Variants in RFX3 observed in about 807,000 individuals in gnomAD.
RFX3 encodes the protein transcription factor RFX3.
RFX3 carries 14 observed loss-of-function variants against 98.6 expected under a neutral mutation model. The ratio of observed to expected loss-of-function variants is 0.14; its 90% confidence interval spans 0.09 to 0.22. RFX3 has a LOEUF of 0.22. Among genes scored for constraint, RFX3 ranks in the 10% least tolerant of loss-of-function variants. The pLI is 1.00. For synonymous variants in RFX3, 383 were observed against 328.4 expected (o/e 1.17, Z -1.80); for missense variants, 639 against 926.9 (o/e 0.69, Z 4.03).
At position 3,354,450 on chromosome 9, in the gene RFX3, G is replaced by A. The variant is rs548840766; in HGVS notation, c.118-7686C>T. Reference sequence around the variant, plus strand: ...CATTATAATTAATATGCTAGACCCAGTAATAAAGAGAAAAAAATTAAGCAG... The same window carrying A: ...CATTATAATTAATATGCTAGACCCAATAATAAAGAGAAAAAAATTAAGCAG... On this transcript the variant is annotated intron_variant, in intron 2 of 16. Transcript: ENST00000617270. Among the ~76,000 whole-genome samples, 10 of 151,750 alleles carry A rather than the reference G, an allele frequency of 6.6e-5. No individual in the cohort carries two copies. In the East Asian group the frequency reaches 1.9e-3, roughly 29 times the overall value.
chr9:3,273,293 C>G (rs145043209), intron 9 of RFX3, among the ~76,000 whole-genome samples: 131 of 152,134 alleles, frequency 8.6e-4, no homozygotes, highest in African/African-American at 2.9e-3. Flanking sequence ...CAGCTCAGCC[C>G]TATGAGAGAG....
chr9:3,392,112 C>G (rs1306196174), intron 2 of RFX3, among the ~76,000 whole-genome samples: 1 of 152,114 alleles, frequency 6.6e-6, no homozygotes, highest in Admixed American at 6.5e-5. Context: ...AATTAAAAAG[C>G]CTTGTCAGTC....
At chr9:3,361,365 A>G (rs1836410382) in intron 2 of RFX3, among the ~76,000 whole-genome samples, 1 of 152,170 alleles carries the variant, frequency 6.6e-6, no homozygotes, top group South Asian at 2.1e-4. Flanking sequence ...AAAGAGAAGT[A>G]AAAAAGTCAA....
intron 5 of RFX3, among the ~76,000 whole-genome samples, chr9:3,301,126 T>A (rs781019284): frequency 6.6e-6 from 1 of 151,894 alleles, no homozygotes; most frequent in Admixed American, 6.6e-5. Context: ...GGATTTCACA[T>A]TAATCATCCT....
chr9:3,505,247 T>C (rs1373483599), intron 1 of RFX3, among the ~76,000 whole-genome samples: 1 of 75,454 alleles, frequency 1.3e-5, no homozygotes, highest in Non-Finnish European at 1.9e-5. Flanking sequence ...TATTTATATA[T>C]ATATGAATAT....
chr9:3,423,801 A>ATATATATCT (rs1362221507), intron 1 of RFX3, among the ~76,000 whole-genome samples: 1 of 130,204 alleles, frequency 7.7e-6, no homozygotes, highest in African/African-American at 3.8e-5. Flanking sequence ...ATATATATAT[A>ATATATATCT]TATATATATA....
At chr9:3,387,325 G>C (rs1839827520) in intron 2 of RFX3, among the ~76,000 whole-genome samples, 1 of 152,010 alleles carries the variant, frequency 6.6e-6, no homozygotes. Context: ...ATTCCTCTTA[G>C]AACATGGTAT....
At chr9:3,417,132 C>A (rs946761201) in intron 1 of RFX3, among the ~76,000 whole-genome samples, 1 of 151,862 alleles carries the variant, frequency 6.6e-6, no homozygotes, top group African/African-American at 2.4e-5. Flanking sequence ...AAGGAGCCTG[C>A]CTATTCATCA....
chr9:3,222,025 T>C lies in RFX3; in HGVS notation c.*3017A>G, dbSNP rs887679709. The C allele has an allele frequency of 5.9e-5, 9 of 152,156 alleles. No individual in the cohort carries two copies. The highest frequency in any genetic ancestry group is 1.9e-4 in the African/African-American group (8 of 41,456). The allele number at this position is 152,156 out of a possible 1,614,324, so 9.4% of individuals were successfully genotyped here. ...AATATTATTTAGAAAACCCACACTT[T>C]CAATGAGTGAAAAAAGGGAAAAAGG... On this transcript the variant is annotated 3_prime_UTR_variant, in exon 17 of 17. Coordinates refer to ENST00000617270, the MANE Select transcript of RFX3 (RefSeq NM_001282116.2).
At chr9:3,254,325 T>A (rs988152728) in intron 14 of RFX3, among the ~76,000 whole-genome samples, 1 of 150,488 alleles carries the variant, frequency 6.6e-6, no homozygotes, top group East Asian at 1.9e-4. Flanking sequence ...CTGACACTAA[T>A]AACATAAGAA....
intron 1 of RFX3, among the ~76,000 whole-genome samples, chr9:3,455,853 C>A (rs1166602410): frequency 6.6e-6 from 1 of 152,202 alleles, no homozygotes; most frequent in Non-Finnish European, 1.5e-5. Context: ...GACTGCACTT[C>A]CCCATTCCAA....
At chr9:3,332,814 T>TTCAC (rs2130918973) in intron 3 of RFX3, among the ~76,000 whole-genome samples, 1 of 152,310 alleles carries the variant, frequency 6.6e-6, no homozygotes, top group South Asian at 2.1e-4. Context: ...GCCTTTCTGC[T>TTCAC]TCACTACATA....
At position 3,512,047 on chromosome 9, in the gene RFX3, G is replaced by A. The variant is rs764587846; in HGVS notation, c.-9+13700C>T. ...CTACTATGCTTTGTATGCATGTATC[G>A]AAATATCCCTTAAATATATACCCTT... On this transcript the variant is annotated intron_variant, in intron 1 of 16. Coordinates refer to ENST00000617270, the MANE Select transcript of RFX3 (RefSeq NM_001282116.2). 4.6e-5 allele frequency among the ~76,000 whole-genome samples: 7 copies of A among 152,030 alleles called. No homozygotes were observed. In the East Asian group the frequency reaches 9.6e-4, roughly 21 times the overall value.
At chr9:3,504,391 T>C (rs1365867726) in intron 1 of RFX3, among the ~76,000 whole-genome samples, 1 of 136,990 alleles carries the variant, frequency 7.3e-6, no homozygotes, top group African/African-American at 2.8e-5. Context: ...CCACATAGCA[T>C]ATATTGTATA....
At chr9:3,320,777 A>G (rs1162995632) in intron 4 of RFX3, among the ~76,000 whole-genome samples, 2 of 58,064 alleles carry the variant, frequency 3.4e-5, no homozygotes, top group Admixed American at 1.5e-4. Context: ...GCATATATAT[A>G]TATATATATA....
At chr9:3,309,328 C>T (rs554574643) in intron 4 of RFX3, among the ~76,000 whole-genome samples, 31 of 152,244 alleles carry the variant, frequency 2.0e-4, no homozygotes, top group African/African-American at 6.3e-4. Context: ...CTAGGAAGAA[C>T]CTGTAGGGTA....
intron 1 of RFX3, among the ~76,000 whole-genome samples, chr9:3,491,696 C>A (rs971762532): frequency 1.3e-5 from 2 of 152,146 alleles, no homozygotes; most frequent in African/African-American, 4.8e-5. Context: ...GCAAAAACCA[C>A]AGTTGCTTAG....
intron 1 of RFX3, among the ~76,000 whole-genome samples, chr9:3,429,180 G>T (rs958397779): frequency 1.1e-4 from 16 of 150,756 alleles, no homozygotes; most frequent in Non-Finnish European, 1.9e-4. Flanking sequence ...CCGCCAACAC[G>T]TCCGGCTAAT....
intron 1 of RFX3, among the ~76,000 whole-genome samples, chr9:3,499,564 C>T (rs1815755085): frequency 1.3e-5 from 2 of 151,970 alleles, no homozygotes. Flanking sequence ...AAGAAAAGCA[C>T]AGCAGAGTTT....
Sources: allele counts gnomAD v4.1 joint callset (sites outside exome capture counted in the v4.1 genomes callset), GRCh38; gene constraint gnomAD v4.1.1; transcripts MANE v1.5; gene names NCBI Gene and HGNC (gene_info 2026-07-23, HGNC 2026-07-21).